The following ZNF516 variants were observed in gnomAD, a reference collection of about 807,000 sequenced individuals.
The protein encoded by ZNF516 is zinc finger protein 516.
A neutral mutation model predicts 79.7 loss-of-function variants in ZNF516; 19 were observed. The observed-to-expected ratio is 0.24, with a 90% CI of 0.17 to 0.35. The LOEUF is 0.35. Ranked by LOEUF, ZNF516 falls within the 10% of genes least tolerant of loss-of-function variation. The pLI is 1.00. For synonymous variants in ZNF516, 877 were observed against 739.5 expected (o/e 1.19, Z -3.02); for missense variants, 1,678 against 1,679.5 (o/e 1.00, Z 0.02).
At chr18:76,429,717 C>G (rs539932430) in intron 3 of ZNF516, among the ~76,000 whole-genome samples, 1 of 152,278 alleles carries the variant, frequency 6.6e-6, no homozygotes, top group African/African-American at 2.4e-5. Context: ...TCTTTAAACT[C>G]AAAGAAAAAG....
At chr18:76,427,075 G>C (rs1293234780) in intron 3 of ZNF516, among the ~76,000 whole-genome samples, 1 of 152,222 alleles carries the variant, frequency 6.6e-6, no homozygotes, top group Non-Finnish European at 1.5e-5. Flanking sequence ...AAGAGCCTGA[G>C]AGAGAGAACG....
intron 1 of ZNF516, among the ~76,000 whole-genome samples, chr18:76,464,153 G>A (rs970311420): frequency 2.6e-5 from 4 of 151,918 alleles, no homozygotes; most frequent in African/African-American, 4.8e-5. Context: ...GTAAAACCCC[G>A]TCTGTACTAA....
rs552401069 is a variant in ZNF516 at position 76,494,340 on chromosome 18, T to C, written c.-272+804A>G. On this transcript the variant is annotated intron_variant, in intron 1 of 6. Transcript: ENST00000443185. Reference sequence around the variant, plus strand: ...CACACACACCCCACCGCATTCTTCCTTCATACACCCGGGTTCATCTCGCCA... The same window carrying C: ...CACACACACCCCACCGCATTCTTCCCTCATACACCCGGGTTCATCTCGCCA... Among the ~76,000 whole-genome samples, 6 of 127,082 alleles carry C rather than the reference T, an allele frequency of 4.7e-5. No homozygotes were observed. The South Asian group carries it at 1.7e-3, about 37-fold the overall frequency. 83.4% of individuals were successfully genotyped at this position (127,082 alleles called of 152,430 possible).
intron 3 of ZNF516, among the ~76,000 whole-genome samples, chr18:76,412,093 G>GACC (rs1387833660): frequency 6.6e-6 from 1 of 152,174 alleles, no homozygotes; most frequent in African/African-American, 2.4e-5. Context: ...GCAGCCCAGA[G>GACC]ACCACCATGT....
At chr18:76,485,663 C>T (rs1339277980) in intron 1 of ZNF516, among the ~76,000 whole-genome samples, 1 of 152,102 alleles carries the variant, frequency 6.6e-6, no homozygotes, top group Non-Finnish European at 1.5e-5. Flanking sequence ...GGGTTCCATA[C>T]TAATAAATTC....
chr18:76,380,282 C>T lies in ZNF516; in HGVS notation c.1832G>A (p.Cys611Tyr). 1 of 1,612,290 alleles carries T rather than the reference C, an allele frequency of 6.2e-7. No homozygotes were observed. The highest frequency in any genetic ancestry group is 8.5e-7 in the Non-Finnish European group (1 of 1,178,898). ...GGTCGAAGTCACCTCTTCGGAAAAGCAGCAGCGGCGCGGCTGTCCCCCTAG... is the reference window on the plus strand; with the variant it reads ...GGTCGAAGTCACCTCTTCGGAAAAGTAGCAGCGGCGCGGCTGTCCCCCTAG... ...PAPGGQPRRC[C>Y]FSEEVTSTEL... The change falls in exon 4 of 7, where the codon TGC becomes TAC. Residue 611 changes from cysteine (C) to tyrosine (Y), a missense_variant. Around this residue, in one of 5 missense-constraint regions of ZNF516, gnomAD observed 1,294 missense variants for 1,248.3 expected, o/e 1.04. Transcript: ENST00000443185.
chr18:76,434,006 C>T (rs1248562660), intron 3 of ZNF516, among the ~76,000 whole-genome samples: 2 of 152,118 alleles, frequency 1.3e-5, no homozygotes, highest in African/African-American at 4.8e-5. Context: ...AAGCCCTCGG[C>T]AACGCCTTAC....
intron 1 of ZNF516, among the ~76,000 whole-genome samples, chr18:76,485,933 A>AT: frequency 6.6e-6 from 1 of 151,558 alleles, no homozygotes; most frequent in Admixed American, 6.6e-5. Flanking sequence ...AATAATAATA[A>AT]ACATACTTTT....
At chr18:76,392,606 C>A (rs1239833402) in intron 3 of ZNF516, among the ~76,000 whole-genome samples, 2 of 80,028 alleles carry the variant, frequency 2.5e-5, no homozygotes, top group East Asian at 3.6e-4. Context: ...GGGGGAAGGG[C>A]AGGTGGGAAG....
intron 1 of ZNF516, among the ~76,000 whole-genome samples, chr18:76,491,294 C>A (rs1915183283): frequency 9.9e-6 from 1 of 101,028 alleles, no homozygotes; most frequent in African/African-American, 3.6e-5. Context: ...GGCCCCGGCC[C>A]CGGCCCTCCA....
At chr18:76,401,725 C>A (rs1241066839) in intron 3 of ZNF516, among the ~76,000 whole-genome samples, 5 of 147,922 alleles carry the variant, frequency 3.4e-5, no homozygotes, top group Non-Finnish European at 6.0e-5. Context: ...GCCAACCACA[C>A]CCCCGCGCCG....
At chr18:76,440,432 G>A (rs1223618245) in intron 3 of ZNF516, among the ~76,000 whole-genome samples, 1 of 152,174 alleles carries the variant, frequency 6.6e-6, no homozygotes, top group Non-Finnish European at 1.5e-5. Context: ...AACATCTTTG[G>A]CTTTGTGGAG....
At chr18:76,495,943 C>A (rs1437332741), upstream of ZNF516, among the ~76,000 whole-genome samples, 2 of 152,134 alleles carry the variant, frequency 1.3e-5, no homozygotes, top group Admixed American at 6.5e-5. Flanking sequence ...CTCTGCCACC[C>A]GGCCATTTAA....
At chr18:76,418,230 C>T (rs527265703) in intron 3 of ZNF516, among the ~76,000 whole-genome samples, 18 of 152,200 alleles carry the variant, frequency 1.2e-4, no homozygotes, top group South Asian at 4.1e-4. Context: ...CTGTAACACA[C>T]GCTATCACAC....
chr18:76,433,530 G>A (rs2075689957), intron 3 of ZNF516, among the ~76,000 whole-genome samples: 1 of 152,222 alleles, frequency 6.6e-6, no homozygotes, highest in African/African-American at 2.4e-5. Context: ...CCTGGGTGCC[G>A]TACCGCGGCT....
chr18:76,384,161 G>A (rs1416367451), intron 3 of ZNF516, among the ~76,000 whole-genome samples: 11 of 152,096 alleles, frequency 7.2e-5, no homozygotes, highest in East Asian at 5.8e-4. Context: ...CACACGCGAG[G>A]TGAACCTCCC....
At chr18:76,440,563 A>C (rs972123827) in intron 3 of ZNF516, among the ~76,000 whole-genome samples, 2 of 152,264 alleles carry the variant, frequency 1.3e-5, no homozygotes, top group East Asian at 3.8e-4. Flanking sequence ...AATTATGAAA[A>C]CAAAGTTGGC....
At chr18:76,412,315 G>A (rs777219187) in intron 3 of ZNF516, among the ~76,000 whole-genome samples, 1 of 152,104 alleles carries the variant, frequency 6.6e-6, no homozygotes, top group Non-Finnish European at 1.5e-5. Flanking sequence ...GGACGTACAC[G>A]GCACCCAAAG....
chr18:76,367,977 C>A (rs1264399247), intron 6 of ZNF516, among the ~76,000 whole-genome samples: 3 of 152,018 alleles, frequency 2.0e-5, no homozygotes, highest in Non-Finnish European at 4.4e-5. Flanking sequence ...TCAAAAAAAA[C>A]CACAGCCATG....
Sources: allele counts gnomAD v4.1 joint callset (sites outside exome capture counted in the v4.1 genomes callset), GRCh38; gene constraint gnomAD v4.1.1; regional missense constraint gnomAD v4.1.1; transcripts MANE v1.5; gene names NCBI Gene and HGNC (gene_info 2026-07-23, HGNC 2026-07-21).